Variants in CSRNP3 observed in about 807,000 individuals in gnomAD.
CSRNP3 encodes the protein cysteine and serine rich nuclear protein 3, also known as cysteine/serine-rich nuclear protein 3.
Under a neutral mutation model 48.0 loss-of-function variants are expected in CSRNP3, and 12 were observed. The ratio of observed to expected loss-of-function variants is 0.25; its 90% confidence interval spans 0.16 to 0.41. CSRNP3 has a LOEUF of 0.41. Among genes scored for constraint, CSRNP3 ranks in the 10% least tolerant of loss-of-function variants. The probability of loss-of-function intolerance (pLI) is 1.00; values close to 1 mark genes in which losing one functional copy is unlikely to be tolerated. For missense variants in CSRNP3, 580 were observed against 724.4 expected (o/e 0.80, Z 2.29); for synonymous variants, 263 against 269.7 (o/e 0.98, Z 0.24).
chr2:165,669,126 A>T (rs1319781956), intron 5 of CSRNP3, among the ~76,000 whole-genome samples: 2 of 152,180 alleles, frequency 1.3e-5, no homozygotes, highest in South Asian at 4.1e-4. Context: ...TCCTTATTAT[A>T]ATATGCAGTA....
chr2:165,527,762 G>A (rs1684757034), intron 3 of CSRNP3, among the ~76,000 whole-genome samples: 1 of 152,038 alleles, frequency 6.6e-6, no homozygotes, highest in South Asian at 2.1e-4. Flanking sequence ...GAGATAAATG[G>A]CCAACTACTT....
intron 3 of CSRNP3, among the ~76,000 whole-genome samples, chr2:165,536,952 C>T (rs537730903): frequency 9.2e-5 from 14 of 151,852 alleles, no homozygotes; most frequent in South Asian, 2.1e-4. Flanking sequence ...TCATTGCTTC[C>T]GTATGTATCC....
chr2:165,513,356 T>C (rs939561338), intron 2 of CSRNP3, among the ~76,000 whole-genome samples: 53 of 152,200 alleles, frequency 3.5e-4, no homozygotes, highest in African/African-American at 1.3e-3. Flanking sequence ...CTTGTGTTCA[T>C]AGACCATCAT....
At chr2:165,651,145 C>T (rs1686895669) in intron 4 of CSRNP3, among the ~76,000 whole-genome samples, 2 of 152,158 alleles carry the variant, frequency 1.3e-5, no homozygotes, top group South Asian at 4.1e-4. Flanking sequence ...TTTACAGGCC[C>T]AGATATATGA....
intron 4 of CSRNP3, among the ~76,000 whole-genome samples, chr2:165,642,562 CT>C (rs36072196): frequency 0.028 from 3,750 of 135,094 alleles, 72 homozygotes; most frequent in African/African-American, 0.061. Context: ...TATGCATATT[CT>C]TTTTTTTTTT....
chr2:165,647,933 G>A (rs1686840308), intron 4 of CSRNP3, among the ~76,000 whole-genome samples: 1 of 152,058 alleles, frequency 6.6e-6, no homozygotes, highest in Non-Finnish European at 1.5e-5. Flanking sequence ...TGGGTTTCTT[G>A]GAAAGTAACC....
intron 3 of CSRNP3, among the ~76,000 whole-genome samples, chr2:165,553,767 T>C (rs926404875): frequency 6.6e-6 from 1 of 152,196 alleles, no homozygotes; most frequent in African/African-American, 2.4e-5. Flanking sequence ...GTAGGTCCCA[T>C]TTCTTGGTGG....
chr2:165,624,014 C>T (rs1057335018), intron 4 of CSRNP3, among the ~76,000 whole-genome samples: 1 of 152,088 alleles, frequency 6.6e-6, no homozygotes, highest in African/African-American at 2.4e-5. Flanking sequence ...TTTCTCTTAT[C>T]GCTCCCACTC....
At chr2:165,674,694 A>G (rs1330043709) in intron 5 of CSRNP3, among the ~76,000 whole-genome samples, 1 of 135,054 alleles carries the variant, frequency 7.4e-6, no homozygotes, top group Non-Finnish European at 1.6e-5. Flanking sequence ...ATATATATAT[A>G]TATATATATA....
intron 3 of CSRNP3, among the ~76,000 whole-genome samples, chr2:165,566,209 TAA>T (rs34169691): frequency 6.6e-6 from 1 of 151,734 alleles, no homozygotes; most frequent in African/African-American, 2.4e-5. Context: ...CCTATCGAGA[TAA>T]AAAAAAATCT....
At chr2:165,663,161 C>T (rs941359865) in intron 5 of CSRNP3, among the ~76,000 whole-genome samples, 1 of 152,110 alleles carries the variant, frequency 6.6e-6, no homozygotes, top group South Asian at 2.1e-4. Flanking sequence ...GCCTTAAATG[C>T]CCTGATAGAT....
chr2:165,538,709 T>G, intron 3 of CSRNP3, among the ~76,000 whole-genome samples: 1 of 152,084 alleles, frequency 6.6e-6, no homozygotes, highest in East Asian at 1.9e-4. Context: ...TCCCTTACTT[T>G]CTGTTGAAGT....
intron 1 of CSRNP3, among the ~76,000 whole-genome samples, chr2:165,483,684 C>T (rs751344852): frequency 5.5e-4 from 84 of 152,124 alleles, no homozygotes; most frequent in Non-Finnish European, 9.1e-4. Flanking sequence ...AGTCCAAGAT[C>T]AAGGTGCTGA....
rs760888237 is a variant in CSRNP3 at position 165,679,760 on chromosome 2, A to C, written c.*7A>C. The C allele has an allele frequency of 6.2e-7, 1 of 1,607,454 alleles. No individual in the cohort carries two copies. Among genetic ancestry groups the C allele is most frequent in the Non-Finnish European group, 8.5e-7 (1 of 1,175,836 alleles). On this transcript the variant is annotated 3_prime_UTR_variant, in exon 7 of 7. Transcript: ENST00000651982. ...TGAGACAGTCCCTGTTTAGTAGCTT[A>C]AATTATTCTAGGACCAACTCTTCTC...
rs781384120 is a variant in CSRNP3, at chr2:165,657,964, C to T, written c.352C>T (p.Arg118Trp). Residue 118 changes from arginine (R) to tryptophan (W), a missense_variant, in exon 5 of 7, where the codon CGG becomes TGG. Physicochemically the swap from Arg to Trp is moderately radical, Grantham distance 101 (BLOSUM62 -3). This residue lies in a region of CSRNP3 where 62 missense variants were observed against 66.4 expected (regional missense o/e 0.93). Coordinates refer to ENST00000651982, the MANE Select transcript of CSRNP3 (RefSeq NM_001172173.2). ...EFAREQERLH[R>W]EMLREHLREE... is the part of the protein sequence containing the mutation. ...TGCAAGGGAGCAGGAGAGGCTCCAC[C>T]GGGAGATGTTGAGAGAACACCTTAG... 23 of 1,613,862 alleles carry T rather than the reference C, an allele frequency of 1.4e-5. No homozygotes were observed. Among genetic ancestry groups the T allele is most frequent in the South Asian group, 2.2e-5 (2 of 91,062 alleles).
At chr2:165,585,072 A>C (rs189927406) in intron 3 of CSRNP3, among the ~76,000 whole-genome samples, 1 of 152,340 alleles carries the variant, frequency 6.6e-6, no homozygotes, top group Admixed American at 6.5e-5. Context: ...ATTATAGATT[A>C]CTAAAAATCA....
rs117101469 is a variant in CSRNP3 at position 165,563,427 on chromosome 2, A to G, written c.-23-31616A>G. ...ACCAACCCAGCTGTTTCTGTACCTC[A>G]TTTCCCTTTTTTTGTCTATAAATCT... On this transcript the variant is annotated intron_variant, in intron 3 of 6. Transcript: ENST00000651982. 8.9e-4 allele frequency among the ~76,000 whole-genome samples: 135 copies of G among 152,070 alleles called. 2 individuals carry two copies. The East Asian group carries it at 0.025, about 28-fold the overall frequency.
chr2:165,668,636 G>A (rs931663398), intron 5 of CSRNP3, among the ~76,000 whole-genome samples: 4 of 151,932 alleles, frequency 2.6e-5, no homozygotes, highest in East Asian at 1.9e-4. Flanking sequence ...CCCTGAGCTC[G>A]TTATCTGCCT....
chr2:165,533,421 A>T (rs1226043999), intron 3 of CSRNP3, among the ~76,000 whole-genome samples: 3 of 152,098 alleles, frequency 2.0e-5, no homozygotes, highest in Non-Finnish European at 4.4e-5. Context: ...ACACTGTAGC[A>T]ATGGGAATCC....
Sources: allele counts gnomAD v4.1 joint callset (sites outside exome capture counted in the v4.1 genomes callset), GRCh38; gene constraint gnomAD v4.1.1; regional missense constraint gnomAD v4.1.1; transcripts MANE v1.5; gene names NCBI Gene and HGNC (gene_info 2026-07-23, HGNC 2026-07-21).